The following GALNTL6 variants were observed in gnomAD, a reference collection of about 807,000 sequenced individuals.
GALNTL6 encodes the protein polypeptide N-acetylgalactosaminyltransferase like 6.
Under a neutral mutation model 73.7 loss-of-function variants are expected in GALNTL6, and 46 were observed. The ratio of observed to expected loss-of-function variants is 0.62; its 90% CI spans 0.49 to 0.80. The LOEUF (loss-of-function observed/expected upper bound fraction) is 0.80, where lower values mean the gene tolerates loss of function less well. GALNTL6 is among the 30% of genes least tolerant of loss of function. The pLI, the probability that GALNTL6 is intolerant of heterozygous loss-of-function variation, is 0.00. For missense variants in GALNTL6, 604 were observed against 755.0 expected (o/e 0.80, Z 2.34); for synonymous variants, 259 against 263.7 (o/e 0.98, Z 0.17).
At chr4:172,108,845 C>T (rs1732764830) in intron 2 of GALNTL6, among the ~76,000 whole-genome samples, 1 of 151,754 alleles carries the variant, frequency 6.6e-6, no homozygotes, top group African/African-American at 2.4e-5. Flanking sequence ...AACCCCATCT[C>T]TACTAAAAAT....
intron 5 of GALNTL6, among the ~76,000 whole-genome samples, chr4:172,547,563 C>CT (rs1432671067): frequency 6.6e-6 from 1 of 152,036 alleles, no homozygotes; most frequent in East Asian, 1.9e-4. Flanking sequence ...ACCTGCAACA[C>CT]CATGTGAAAA....
chr4:172,954,908 A>T (rs2653840), intron 10 of GALNTL6, among the ~76,000 whole-genome samples: 94,766 of 152,052 alleles, frequency 0.62, 30,470 homozygotes, highest in African/African-American at 0.79. Flanking sequence ...CATTCAGTTG[A>T]ATTTGTTCGG....
intron 7 of GALNTL6, among the ~76,000 whole-genome samples, chr4:172,882,241 T>C (rs1745493263): frequency 6.6e-6 from 1 of 152,168 alleles, no homozygotes; most frequent in Admixed American, 6.5e-5. Flanking sequence ...ATTTCAACTT[T>C]GGCACATTAA....
intron 5 of GALNTL6, among the ~76,000 whole-genome samples, chr4:172,482,395 G>A (rs1401204603): frequency 1.3e-5 from 2 of 152,270 alleles, no homozygotes; most frequent in African/African-American, 4.8e-5. Context: ...CGCTGAGAGC[G>A]AGAGAGGGCC....
At chr4:172,335,003 C>CAA (rs1405240271) in intron 4 of GALNTL6, among the ~76,000 whole-genome samples, 3 of 145,956 alleles carry the variant, frequency 2.1e-5, no homozygotes, top group Non-Finnish European at 3.0e-5. Flanking sequence ...TTTTTTGAGA[C>CAA]AGAGTCTCGC....
At chr4:172,359,262 T>G (rs886072069) in intron 5 of GALNTL6, among the ~76,000 whole-genome samples, 14 of 152,196 alleles carry the variant, frequency 9.2e-5, no homozygotes, top group African/African-American at 2.9e-4. Flanking sequence ...GCCATTATCC[T>G]TGGCAGACTA....
chr4:171,985,633 A>G (rs1740048591), intron 2 of GALNTL6, among the ~76,000 whole-genome samples: 1 of 152,114 alleles, frequency 6.6e-6, no homozygotes, highest in African/African-American at 2.4e-5. Context: ...AAAACCCACT[A>G]CATGTTTGAA....
chr4:171,823,008 G>A (rs925947445), intron 2 of GALNTL6, among the ~76,000 whole-genome samples: 2 of 152,044 alleles, frequency 1.3e-5, no homozygotes, highest in African/African-American at 4.8e-5. Flanking sequence ...AGTAAGGAAG[G>A]CACAAAGACA....
At chr4:172,074,777 T>C (rs72698977) in intron 2 of GALNTL6, among the ~76,000 whole-genome samples, 3,074 of 152,242 alleles carry the variant, frequency 0.02, 36 homozygotes, top group Non-Finnish European at 0.03. Flanking sequence ...AGAATATCAC[T>C]TGGGGCAAAT....
rs889576045 is a variant in GALNTL6, at chr4:172,928,132, A to G, written c.1042-3029A>G. Among the ~76,000 whole-genome samples the G allele has an allele frequency of 7.9e-5, 12 of 152,324 alleles. No individual in the cohort carries two copies. The East Asian group carries it at 2.3e-3, about 29-fold the overall frequency. ...AAGCAAGGTTTAACTGAAATACACC[A>G]TGCCTATTTGTTAGCAGATTTGAGG... On this transcript the variant is annotated intron_variant, in intron 8 of 12. Coordinates refer to ENST00000506823, the MANE Select transcript of GALNTL6 (RefSeq NM_001034845.3).
At chr4:172,553,429 G>GC (rs1736034823) in intron 5 of GALNTL6, among the ~76,000 whole-genome samples, 1 of 152,046 alleles carries the variant, frequency 6.6e-6, no homozygotes, top group Non-Finnish European at 1.5e-5. Context: ...TAATCCAGCT[G>GC]CCAGTTGTTC....
At chr4:172,438,973 T>A (rs759244044) in intron 5 of GALNTL6, among the ~76,000 whole-genome samples, 7 of 152,034 alleles carry the variant, frequency 4.6e-5, no homozygotes, top group African/African-American at 9.7e-5. Flanking sequence ...TATCCGTCCT[T>A]CTAACTAGGG....
Position 172,057,725 on chromosome 4 carries a change from A to G in GALNTL6, c.139-171931A>G, listed in dbSNP as rs1340268513. On this transcript the variant is annotated intron_variant, in intron 2 of 12. Coordinates refer to ENST00000506823, the MANE Select transcript of GALNTL6 (RefSeq NM_001034845.3). ...TCAAAAAAAAAAAAAAAAAAAAAAA[A>G]AAATATATATATATATATATATATA... Among the ~76,000 whole-genome samples the G allele has an allele frequency of 1.1e-4, 7 of 62,862 alleles. 1 individual carries two copies. Among genetic ancestry groups the G allele is most frequent in the African/African-American group, 3.2e-4 (5 of 15,818 alleles). The allele number at this position is 62,862 out of a possible 152,430, so 41.2% of individuals were successfully genotyped here. A position where few individuals can be genotyped will look rare whatever the true frequency, so the allele number is the denominator to read the frequency against.
At chr4:172,179,124 A>G (rs1185844443) in intron 2 of GALNTL6, among the ~76,000 whole-genome samples, 1 of 146,372 alleles carries the variant, frequency 6.8e-6, no homozygotes, top group African/African-American at 2.6e-5. Context: ...ATACGTGTGC[A>G]TGTGTCTTTA....
chr4:172,318,489 T>G (rs1170109292), intron 4 of GALNTL6, among the ~76,000 whole-genome samples: 5 of 151,862 alleles, frequency 3.3e-5, no homozygotes, highest in Admixed American at 3.3e-4. Context: ...GATCATGAGG[T>G]CAGGGGTTCG....
intron 7 of GALNTL6, among the ~76,000 whole-genome samples, chr4:172,819,362 C>A (rs1443828194): frequency 1.3e-5 from 2 of 152,212 alleles, no homozygotes; most frequent in Non-Finnish European, 2.9e-5. Flanking sequence ...ACAAATATAA[C>A]TTTCTGCTAA....
intron 3 of GALNTL6, among the ~76,000 whole-genome samples, chr4:172,250,572 G>T (rs1737825086): frequency 6.6e-6 from 1 of 151,988 alleles, no homozygotes; most frequent in Non-Finnish European, 1.5e-5. Context: ...AAGATCTGAT[G>T]GTTTGTAAGA....
At chr4:172,087,307 T>C (rs1553991273) in intron 2 of GALNTL6, among the ~76,000 whole-genome samples, 2 of 150,294 alleles carry the variant, frequency 1.3e-5, no homozygotes, top group African/African-American at 2.5e-5. Context: ...TAGCCGGGCG[T>C]GGGGGTGGGC....
intron 2 of GALNTL6, among the ~76,000 whole-genome samples, chr4:171,910,037 A>G (rs1273798819): frequency 6.6e-6 from 1 of 152,184 alleles, no homozygotes; most frequent in Non-Finnish European, 1.5e-5. Context: ...TGAATAATGT[A>G]TTCTGCAAGC....
Sources: allele counts gnomAD v4.1 joint callset (sites outside exome capture counted in the v4.1 genomes callset), GRCh38; gene constraint gnomAD v4.1.1; transcripts MANE v1.5; gene names NCBI Gene and HGNC (gene_info 2026-07-23, HGNC 2026-07-21).